The following HS2ST1 variants were observed in gnomAD, a reference collection of about 807,000 sequenced individuals.
HS2ST1 encodes the protein heparan sulfate 2-O-sulfotransferase 1, also known as 2-O-sulfotransferase.
Under a neutral mutation model 42.9 loss-of-function variants are expected in HS2ST1, and 18 were observed. The ratio of observed to expected loss-of-function variants is 0.42; its 90% CI spans 0.29 to 0.62. HS2ST1 has a LOEUF of 0.62. Ranked by LOEUF, HS2ST1 falls within the 20% of genes least tolerant of loss-of-function variation. The pLI is 0.21. For missense variants in HS2ST1, 334 were observed against 433.8 expected (o/e 0.77, Z 2.04); for synonymous variants, 146 against 152.9 (o/e 0.95, Z 0.33).
chr1:87,089,302 A>G (rs141916695), intron 3 of HS2ST1, among the ~76,000 whole-genome samples: 23 of 152,118 alleles, frequency 1.5e-4, no homozygotes, highest in African/African-American at 5.5e-4. Context: ...CTTTTTACCA[A>G]CCTGCTGCTC....
intron 1 of HS2ST1, among the ~76,000 whole-genome samples, chr1:87,072,626 C>G (rs916739215): frequency 1.3e-5 from 2 of 152,068 alleles, no homozygotes; most frequent in Non-Finnish European, 2.9e-5. Flanking sequence ...CCTTTTTGTT[C>G]TTGATATACA....
At position 87,017,940 on chromosome 1, in the gene HS2ST1, C is replaced by G. The variant is rs1175813899; in HGVS notation, c.125-54994C>G. ...TGTCTTGAATATGAATGGTTGTTCCCCTTTTTTAAAATTAGGAAAACAGGT... is the reference window on the plus strand; with the variant it reads ...TGTCTTGAATATGAATGGTTGTTCCGCTTTTTTAAAATTAGGAAAACAGGT... On this transcript the variant is annotated intron_variant, in intron 1 of 6. Coordinates refer to ENST00000370550, the MANE Select transcript of HS2ST1 (RefSeq NM_012262.4). Among the ~76,000 whole-genome samples the G allele has an allele frequency of 7.4e-5, 7 of 94,796 alleles. No homozygotes were observed. The East Asian group carries it at 2.4e-3, about 32-fold the overall frequency. The allele number at this position is 94,796 out of a possible 152,430, so 62.2% of individuals were successfully genotyped here.
intron 1 of HS2ST1, among the ~76,000 whole-genome samples, chr1:87,053,020 TCA>T (rs1650874018): frequency 6.6e-6 from 1 of 152,186 alleles, no homozygotes; most frequent in Admixed American, 6.5e-5. Flanking sequence ...TGATGCATGC[TCA>T]GTTTGAGAAC....
chr1:86,925,345 A>G (rs866986921), intron 1 of HS2ST1, among the ~76,000 whole-genome samples: 2 of 152,214 alleles, frequency 1.3e-5, no homozygotes, highest in Non-Finnish European at 2.9e-5. Flanking sequence ...CCTATTACCC[A>G]GTCCCAAAGT....
intron 1 of HS2ST1, among the ~76,000 whole-genome samples, chr1:87,003,298 T>C (rs79039829): frequency 2.0e-5 from 3 of 147,100 alleles, no homozygotes; most frequent in Admixed American, 6.8e-5. Flanking sequence ...GAGAAAAAAA[T>C]AGAATAATGT....
At position 87,095,809 on chromosome 1, in the gene HS2ST1, T is replaced by A. The variant is rs141385454; in HGVS notation, c.589-2029T>A. 1.8e-3 allele frequency among the ~76,000 whole-genome samples: 269 copies of A among 152,234 alleles called. 6 individuals are homozygous for A. In the East Asian group the frequency reaches 0.047, roughly 26 times the overall value. On this transcript the variant is annotated intron_variant, in intron 4 of 6. Coordinates refer to ENST00000370550, the MANE Select transcript of HS2ST1 (RefSeq NM_012262.4). ...AATTTGCCATTTACTGAAAAAATTTTAAAATATTAAAACAATAGTAAAGCC... is the reference window on the plus strand; with the variant it reads ...AATTTGCCATTTACTGAAAAAATTTAAAAATATTAAAACAATAGTAAAGCC...
chr1:87,047,009 A>G (rs72955542), intron 1 of HS2ST1, among the ~76,000 whole-genome samples: 6,670 of 151,624 alleles, frequency 0.044, 477 homozygotes, highest in African/African-American at 0.15. Flanking sequence ...CGCCCAGCCT[A>G]TATGTTTAAC....
In HS2ST1 at chr1:86,925,444, A is replaced by G. The variant is rs1380185587; in HGVS notation, c.124+10284A>G. Among the ~76,000 whole-genome samples, 3 of 152,222 alleles carry G rather than the reference A, an allele frequency of 2.0e-5. No homozygotes were observed. The South Asian group carries it at 6.2e-4, about 31-fold the overall frequency. Reference sequence around the variant, plus strand: ...TAGTCCGTTTTCATGCTGCTGATAAAGACATGCCCAAGACAACAATTAACT... The same window carrying G: ...TAGTCCGTTTTCATGCTGCTGATAAGGACATGCCCAAGACAACAATTAACT... On this transcript the variant is annotated intron_variant, in intron 1 of 6. Coordinates refer to ENST00000370550, the MANE Select transcript of HS2ST1 (RefSeq NM_012262.4).
At chr1:87,039,180 G>C (rs1481333593) in intron 1 of HS2ST1, among the ~76,000 whole-genome samples, 1 of 152,088 alleles carries the variant, frequency 6.6e-6, no homozygotes, top group Non-Finnish European at 1.5e-5. Context: ...CTCTTCCTGT[G>C]GTGAATTTCT....
chr1:86,983,255 T>TG (rs1648650648), intron 1 of HS2ST1, among the ~76,000 whole-genome samples: 1 of 152,220 alleles, frequency 6.6e-6, no homozygotes, highest in South Asian at 2.1e-4. Flanking sequence ...CAGTCTGTTT[T>TG]TACACTGCTG....
intron 1 of HS2ST1, among the ~76,000 whole-genome samples, chr1:86,946,120 T>C (rs991158596): frequency 2.6e-5 from 4 of 152,246 alleles, no homozygotes; most frequent in Non-Finnish European, 5.9e-5. Context: ...TTGATTTTTA[T>C]GTGTTAAAAT....
At chr1:87,026,890 C>A (rs1277586393) in intron 1 of HS2ST1, among the ~76,000 whole-genome samples, 1 of 151,676 alleles carries the variant, frequency 6.6e-6, no homozygotes, top group Non-Finnish European at 1.5e-5. Context: ...GTAAGGGGAC[C>A]CATTCATTAA....
At chr1:87,017,886 G>C (rs1649805966) in intron 1 of HS2ST1, among the ~76,000 whole-genome samples, 1 of 152,018 alleles carries the variant, frequency 6.6e-6, no homozygotes, top group African/African-American at 2.4e-5. Flanking sequence ...TTCAAATTTT[G>C]TATTTTATCC....
intron 1 of HS2ST1, among the ~76,000 whole-genome samples, chr1:87,060,328 A>C (rs1474796298): frequency 6.6e-6 from 1 of 152,128 alleles, no homozygotes; most frequent in Non-Finnish European, 1.5e-5. Context: ...TTTAAAAGGC[A>C]TTTGCAAAAA....
At position 87,101,149 on chromosome 1, in the gene HS2ST1, GTTTTTTGTTTTTTTTTTTTTTT is replaced by G. The variant is rs1157783858; in HGVS notation, c.687-2276_687-2255del. Among the ~76,000 whole-genome samples the G allele has an allele frequency of 3.9e-4, 23 of 59,570 alleles. 1 individual carries two copies. Among genetic ancestry groups the G allele is most frequent in the African/African-American group, 1.5e-3 (23 of 15,294 alleles). 39.1% of individuals were successfully genotyped at this position (59,570 alleles called of 152,430 possible). ...TCATCACTTTTGTGTGTGTGTGTGTGTTTTTTGTTTTTTTTTTTTTTTTTTTTTTTTTTTTTGAGGCAGTCTC... is the reference window on the plus strand; with the variant it reads ...TCATCACTTTTGTGTGTGTGTGTGTGTTTTTTTTTTTTTTGAGGCAGTCTC... On this transcript the variant is annotated intron_variant, in intron 5 of 6. Coordinates refer to ENST00000370550, the MANE Select transcript of HS2ST1 (RefSeq NM_012262.4).
rs1461861698 is a variant in HS2ST1 at position 86,992,985 on chromosome 1, G to A, written c.124+77825G>A. 9 of 1,336,210 alleles carry A rather than the reference G, an allele frequency of 6.7e-6. No individual in the cohort carries two copies. In the African/African-American group the frequency reaches 8.8e-5, roughly 13 times the overall value. The allele number at this position is 1,336,210 out of a possible 1,614,324, so 82.8% of individuals were successfully genotyped here. A position where few individuals can be genotyped will look rare whatever the true frequency, so the allele number is the denominator to read the frequency against. Reference sequence around the variant, plus strand: ...TTTGTTCACATTCTTCTTGGCGTCTGTGTCTATGTTCCTTTCCTCCCAGTG... The same window carrying A: ...TTTGTTCACATTCTTCTTGGCGTCTATGTCTATGTTCCTTTCCTCCCAGTG... On this transcript the variant is annotated intron_variant, in intron 1 of 6. Coordinates refer to ENST00000370550, the MANE Select transcript of HS2ST1 (RefSeq NM_012262.4).
intron 1 of HS2ST1, among the ~76,000 whole-genome samples, chr1:87,039,230 T>TA (rs1252962545): frequency 1.3e-5 from 2 of 152,234 alleles, no homozygotes; most frequent in African/African-American, 2.4e-5. Context: ...TGCTAAAAGT[T>TA]AAAGTATCTT....
In HS2ST1 at chr1:87,070,081, G is replaced by A. The variant is rs535066538; in HGVS notation, c.125-2853G>A. Among the ~76,000 whole-genome samples the A allele has an allele frequency of 5.5e-4, 83 of 151,834 alleles. 1 individual carries two copies. The highest frequency in any genetic ancestry group is 1.8e-3 in the African/African-American group (74 of 41,422). ...AAGTGAATCTTTTTTTTTCTTTAGC[G>A]CAAACTCCTACTTGTGTGAGTGGGT... On this transcript the variant is annotated intron_variant, in intron 1 of 6. Coordinates refer to ENST00000370550, the MANE Select transcript of HS2ST1 (RefSeq NM_012262.4).
intron 1 of HS2ST1, among the ~76,000 whole-genome samples, chr1:86,976,659 T>C (rs1284339149): frequency 6.9e-6 from 1 of 144,898 alleles, no homozygotes; most frequent in Non-Finnish European, 1.5e-5. Context: ...CTATTATTTC[T>C]GTAGCATGAA....
Sources: gnomAD v4.1 joint callset for allele counts (sites outside exome capture counted in the v4.1 genomes callset) on GRCh38, gnomAD v4.1.1 for gene constraint, MANE v1.5 for transcripts, NCBI Gene and HGNC (gene_info 2026-07-23, HGNC 2026-07-21) for gene names.